The following TSPEAR variants were observed in gnomAD, a reference collection of about 807,000 sequenced individuals.
The protein encoded by TSPEAR is thrombospondin type laminin G domain and EAR repeats.
Under a neutral mutation model 71.6 loss-of-function variants are expected in TSPEAR, and 69 were observed. The ratio of observed to expected loss-of-function variants is 0.96; its 90% CI spans 0.79 to 1.18. The LOEUF is 1.18. Among genes scored for constraint, TSPEAR ranks in the 50% most tolerant of loss-of-function variants. The pLI is 0.00. For synonymous variants in TSPEAR, 402 were observed against 387.2 expected (o/e 1.04, Z -0.45); for missense variants, 971 against 894.9 (o/e 1.09, Z -1.09).
At chr21:44,529,238 C>T (rs1555915400) in intron 5 of TSPEAR, among the ~76,000 whole-genome samples, 4 of 152,162 alleles carry the variant, frequency 2.6e-5, no homozygotes, top group Admixed American at 1.3e-4. Context: ...CGGGGAGGGG[C>T]ATTTCAGATT....
rs538816078 is a variant in TSPEAR, at chr21:44,694,856, G to A, written c.82+16577C>T. The stretch of plus-strand genomic sequence containing the variant: ...GAAGGCGGCGCTCACAGAGCTTCCC[G>A]TGAGCCGGTGCAGCATGAAGATCGA... On this transcript the variant is annotated intron_variant, in intron 1 of 11. Coordinates refer to ENST00000323084, the MANE Select transcript of TSPEAR (RefSeq NM_144991.3). Among the ~76,000 whole-genome samples the A allele has an allele frequency of 5.3e-5, 8 of 152,304 alleles. 1 individual carries two copies. Among genetic ancestry groups the A allele is most frequent in the African/African-American group, 9.6e-5 (4 of 41,566 alleles).
intron 1 of TSPEAR, among the ~76,000 whole-genome samples, chr21:44,599,134 T>TTCTCTCTC (rs58774528): frequency 0.027 from 2,528 of 92,250 alleles, 118 homozygotes; most frequent in African/African-American, 0.031. Flanking sequence ...GGCCCCCATT[T>TTCTCTCTC]TCTCTCTCTC....
chr21:44,645,718 T>G (rs1456228971), intron 1 of TSPEAR, among the ~76,000 whole-genome samples: 1 of 152,180 alleles, frequency 6.6e-6, no homozygotes, highest in African/African-American at 2.4e-5. Context: ...TTCTCCATGT[T>G]TATGTTTTAA....
At chr21:44,625,686 T>G (rs1187812212) in intron 1 of TSPEAR, among the ~76,000 whole-genome samples, 7 of 152,246 alleles carry the variant, frequency 4.6e-5, no homozygotes, top group Non-Finnish European at 8.8e-5. Flanking sequence ...CTCCCTGTTT[T>G]GGGCTCTAAT....
intron 1 of TSPEAR, among the ~76,000 whole-genome samples, chr21:44,690,143 G>A (rs147045519): frequency 8.0e-4 from 121 of 152,140 alleles, no homozygotes; most frequent in Admixed American, 2.6e-3. Context: ...TTGAGAAATC[G>A]CTCTGATTTG....
intron 1 of TSPEAR, among the ~76,000 whole-genome samples, chr21:44,576,891 C>T (rs1308524341): frequency 2.6e-5 from 4 of 152,164 alleles, no homozygotes; most frequent in African/African-American, 9.7e-5. Context: ...CCGGAGAGGC[C>T]TGAGAGCAAG....
intron 1 of TSPEAR, chr21:44,682,165 T>C (rs782386756): frequency 1.3e-5 from 20 of 1,596,922 alleles, no homozygotes; most frequent in Admixed American, 1.7e-5. Context: ...AGGGCAGTGA[T>C]GTCTGGGGAT....
At chr21:44,632,073 G>A (rs1331112026) in intron 1 of TSPEAR, among the ~76,000 whole-genome samples, 32 of 152,098 alleles carry the variant, frequency 2.1e-4, no homozygotes, top group African/African-American at 7.2e-4. Context: ...TAAATTTCAC[G>A]TGTATTTAAC....
intron 1 of TSPEAR, among the ~76,000 whole-genome samples, chr21:44,689,737 A>T (rs1398274067): frequency 4.6e-4 from 58 of 127,148 alleles, no homozygotes; most frequent in African/African-American, 1.8e-3. Context: ...ATATATATAT[A>T]TATTTTGGGG....
At chr21:44,557,945 G>T (rs781969202) in intron 2 of TSPEAR, 24 of 1,298,138 alleles carry the variant, frequency 1.8e-5, no homozygotes, top group Non-Finnish European at 2.5e-5. Context: ...GGCTGGAGGT[G>T]CAGTGGCTAT....
Position 44,521,914 on chromosome 21 carries a change from A to G in TSPEAR, c.1535T>C (p.Leu512Pro), listed in dbSNP as rs1468273221. 6.2e-7 allele frequency: 1 copy of G among 1,613,966 alleles called. No homozygotes were observed. The highest frequency in any genetic ancestry group is 1.1e-5 in the South Asian group (1 of 91,082). Reference protein sequence around the residue: ...KVHSHLYIRLLGSFQLFQSFP... With the variant: ...KVHSHLYIRLPGSFQLFQSFP... ...GGACTGGAAGAGCTGGAAGGAGCCC[A>G]GGAGTCGGATGTAGAGGTGCGAGTG... Residue 512 changes from leucine (L) to proline (P), a missense_variant, in exon 9 of 12, where the codon CTG (leucine) becomes CCG (proline). Coordinates refer to ENST00000323084, the MANE Select transcript of TSPEAR (RefSeq NM_144991.3).
At chr21:44,699,032 C>A (rs1483190669) in intron 1 of TSPEAR, among the ~76,000 whole-genome samples, 1 of 152,092 alleles carries the variant, frequency 6.6e-6, no homozygotes, top group African/African-American at 2.4e-5. Flanking sequence ...GAGACCTTGT[C>A]TCTAAAAATA....
chr21:44,674,729 AAAGTGT>A (rs1284830220), intron 1 of TSPEAR, among the ~76,000 whole-genome samples: 2 of 106,816 alleles, frequency 1.9e-5, no homozygotes, highest in African/African-American at 7.2e-5. Flanking sequence ...CTCTGTCTTT[AAAGTGT>A]GTGTGTGTGT....
chr21:44,629,870 C>T (rs1393523147), intron 1 of TSPEAR, among the ~76,000 whole-genome samples: 4 of 152,288 alleles, frequency 2.6e-5, no homozygotes, highest in East Asian at 1.9e-4. Flanking sequence ...AGGCACGGCT[C>T]GCTTCCAGAA....
At chr21:44,595,588 C>A (rs782706053) in intron 1 of TSPEAR, among the ~76,000 whole-genome samples, 1 of 152,154 alleles carries the variant, frequency 6.6e-6, no homozygotes, top group South Asian at 2.1e-4. Flanking sequence ...GCTCCGGACA[C>A]CCAGCAGCAC....
intron 1 of TSPEAR, among the ~76,000 whole-genome samples, chr21:44,654,859 T>C (rs1555942280): frequency 6.6e-6 from 1 of 152,018 alleles, no homozygotes; most frequent in East Asian, 1.9e-4. Context: ...GTGTGTTTCC[T>C]GGAAACAGAG....
At chr21:44,706,430 C>A (rs897067150) in intron 1 of TSPEAR, among the ~76,000 whole-genome samples, 1 of 151,946 alleles carries the variant, frequency 6.6e-6, no homozygotes, top group Non-Finnish European at 1.5e-5. Flanking sequence ...CGCGCGCACA[C>A]ACCCACGTGC....
chr21:44,572,592 T>C (rs233284), intron 1 of TSPEAR, among the ~76,000 whole-genome samples: 65,371 of 151,604 alleles, frequency 0.43, 15,299 homozygotes, highest in Non-Finnish European at 0.53. Context: ...TCTGCCGTGC[T>C]TGCCTTCCCA....
At chr21:44,601,499 G>T (rs201563690) in intron 1 of TSPEAR, 3 of 1,612,686 alleles carry the variant, frequency 1.9e-6, no homozygotes, top group Non-Finnish European at 2.5e-6. Context: ...CAGTCTAGCT[G>T]CCAGCCGGCT....
Sources: gnomAD v4.1 joint callset for allele counts (sites outside exome capture counted in the v4.1 genomes callset) on GRCh38, gnomAD v4.1.1 for gene constraint, MANE v1.5 for transcripts, NCBI Gene and HGNC (gene_info 2026-07-23, HGNC 2026-07-21) for gene names.